SH3PXD2A: variants seen among roughly 807,000 people sequenced by gnomAD.
SH3PXD2A encodes SH3 and PX domain-containing protein 2A.
SH3PXD2A carries 32 observed loss-of-function variants against 115.2 expected under a neutral mutation model. That is an observed-to-expected ratio of 0.28 (90% confidence interval 0.21 to 0.37). The LOEUF (loss-of-function observed/expected upper bound fraction) is 0.37, where lower values mean the gene tolerates loss of function less well. SH3PXD2A is among the 10% of genes least tolerant of loss of function. The pLI is 1.00. For synonymous variants in SH3PXD2A, 610 were observed against 629.1 expected, an observed-to-expected ratio of 0.97 and a Z score of 0.45; for missense variants, 1,328 against 1,498.7, an observed-to-expected ratio of 0.89 and a Z score of 1.88.
chr10:103,837,077 G>A (rs1456060654), intron 1 of SH3PXD2A, among the ~76,000 whole-genome samples: 2 of 152,164 alleles, frequency 1.3e-5, no homozygotes, highest in Non-Finnish European at 2.9e-5. Context: ...TCCAAGGCCC[G>A]CCTATCGTGT....
At chr10:103,735,625 G>A (rs2038370555) in intron 4 of SH3PXD2A, 107 bp downstream of exon 4, 2 of 909,264 alleles carry the variant, frequency 2.2e-6, no homozygotes, top group Admixed American at 1.8e-5. Flanking sequence ...CCTCAGGACG[G>A]TTCTGTACAG....
intron 2 of SH3PXD2A, among the ~76,000 whole-genome samples, chr10:103,785,852 T>C (rs1216829412): frequency 2.0e-5 from 3 of 151,022 alleles, no homozygotes; most frequent in African/African-American, 7.3e-5. Flanking sequence ...GGATGAGACA[T>C]GCAGACGAGA....
chr10:103,646,900 G>C (rs1472714696), intron 8 of SH3PXD2A, among the ~76,000 whole-genome samples: 2 of 152,172 alleles, frequency 1.3e-5, no homozygotes, highest in Non-Finnish European at 1.5e-5. Flanking sequence ...CCAAGTACCT[G>C]AGGGCAGAGA....
chr10:103,651,421 C>A (rs561262628), intron 8 of SH3PXD2A, among the ~76,000 whole-genome samples: 1 of 152,360 alleles, frequency 6.6e-6, no homozygotes, highest in Non-Finnish European at 1.5e-5. Flanking sequence ...GGGGCTTTAG[C>A]ACAACTGACC....
Position 103,599,825 on chromosome 10 carries a change from ATAAC to A in SH3PXD2A, c.*1987_*1990del, listed in dbSNP as rs2036190173. 1 of 152,696 alleles carries A rather than the reference ATAAC, an allele frequency of 6.5e-6. No homozygotes were observed. Among genetic ancestry groups the A allele is most frequent in the Non-Finnish European group, 1.5e-5 (1 of 68,054 alleles). The allele number at this position is 152,696 out of a possible 1,614,324, so 9.5% of individuals were successfully genotyped here. On this transcript the variant is annotated 3_prime_UTR_variant, in exon 15 of 15. Transcript: ENST00000369774. ...ATTTAATACTGTCCAGCAGAAGAAA[ATAAC>A]TAATTTCAATTTTAAACAAACTCAC...
intron 5 of SH3PXD2A, among the ~76,000 whole-genome samples, chr10:103,702,964 G>A (rs1274424173): frequency 1.3e-5 from 2 of 152,194 alleles, no homozygotes; most frequent in African/African-American, 4.8e-5. Flanking sequence ...GTGACACACG[G>A]GCAGATACCA....
Position 103,627,380 on chromosome 10 carries a change from A to G in SH3PXD2A, c.605-178T>C, listed in dbSNP as rs2036714187. ...GCCTCGAGGAGCCTGCGTCTGTTCT[A>G]AGGCAGAAACGACCAGCACACTTCC... On this transcript the variant is annotated intron_variant, in intron 8 of 14. Transcript: ENST00000369774. This position sits in a 1 kb window ranked among gnomAD's most constrained non-coding sequence, Gnocchi z 4.4. 6.6e-6 allele frequency among the ~76,000 whole-genome samples: 1 copy of G among 152,232 alleles called. No individual in the cohort carries two copies.
At chr10:103,713,406 C>T (rs924027275) in intron 5 of SH3PXD2A, among the ~76,000 whole-genome samples, 1 of 152,202 alleles carries the variant, frequency 6.6e-6, no homozygotes, top group African/African-American at 2.4e-5. Flanking sequence ...AGGTTCTGCC[C>T]ATTTACCTGA....
Position 103,767,822 on chromosome 10 carries a change from T to TG in SH3PXD2A, c.154-654_154-653insC, listed in dbSNP as rs36045787. On this transcript the variant is annotated intron_variant, in intron 2 of 14. Transcript: ENST00000369774. ...GAACAACTGTTTTGTTTTTTTTTTT[T>TG]TTTTTTTTTTTTGCTATTCTGGACT... Among the ~76,000 whole-genome samples the TG allele has an allele frequency of 6.2e-3, 928 of 149,004 alleles. 8 individuals carry two copies. Among genetic ancestry groups the TG allele is most frequent in the South Asian group, 0.015 (67 of 4,594 alleles).
chr10:103,663,286 C>A (rs2037338903), intron 7 of SH3PXD2A, among the ~76,000 whole-genome samples: 1 of 152,226 alleles, frequency 6.6e-6, no homozygotes, highest in Non-Finnish European at 1.5e-5. Flanking sequence ...CATTAACCGC[C>A]CCATTTCATG....
At chr10:103,680,045 T>C (rs2037588631) in intron 6 of SH3PXD2A, among the ~76,000 whole-genome samples, 1 of 152,030 alleles carries the variant, frequency 6.6e-6, no homozygotes, top group Admixed American at 6.6e-5. Context: ...AATGGCGCCA[T>C]CTCTGCTCAC....
intron 5 of SH3PXD2A, among the ~76,000 whole-genome samples, chr10:103,722,967 T>G (rs2038200223): frequency 6.6e-6 from 1 of 152,222 alleles, no homozygotes; most frequent in Non-Finnish European, 1.5e-5. Context: ...TTTCAGGCTA[T>G]TAGTCTTTTA....
At chr10:103,611,483 G>T in intron 13 of SH3PXD2A, 98 bp downstream of exon 13, 1 of 1,150,676 alleles carries the variant, frequency 8.7e-7, no homozygotes, top group Non-Finnish European at 1.3e-6. Context: ...AAAACCCCTG[G>T]ATCAAGAGGC....
chr10:103,758,125 C>T (rs1403987304), intron 3 of SH3PXD2A, among the ~76,000 whole-genome samples: 1 of 152,238 alleles, frequency 6.6e-6, no homozygotes, highest in Non-Finnish European at 1.5e-5. Flanking sequence ...GGCCAGATGG[C>T]ACAGCTCACA....
At chr10:103,623,423 G>A (rs567063027) in intron 9 of SH3PXD2A, among the ~76,000 whole-genome samples, 1 of 152,278 alleles carries the variant, frequency 6.6e-6, no homozygotes, top group African/African-American at 2.4e-5. Flanking sequence ...ACTCCCAGAT[G>A]GAATGGATAC....
rs763061712 is a variant in SH3PXD2A, at chr10:103,602,506, G to T, written c.2712C>A (p.Pro904=). The part of the protein sequence containing the change: ...LVLDENEQPD[P]SGKELDTVPA... ...GCACTGTGTCCAGCTCTTTGCCAGA[G>T]GGGTCAGGTTGCTCGTTCTCATCCA... Residue 904 remains proline, a synonymous_variant, in exon 15 of 15, where the codon CCC becomes CCA. Transcript: ENST00000369774. The T allele has an allele frequency of 6.2e-7, 1 of 1,614,172 alleles. No homozygotes were observed. The highest frequency in any genetic ancestry group is 1.1e-5 in the South Asian group (1 of 91,086).
In SH3PXD2A at chr10:103,627,896, CG is replaced by C. The variant is rs1416104680; in HGVS notation, c.605-695del. On this transcript the variant is annotated intron_variant, in intron 8 of 14. Transcript: ENST00000369774. This position sits in a 1 kb window ranked among gnomAD's most constrained non-coding sequence, Gnocchi z 4.4. The stretch of plus-strand genomic sequence containing the variant: ...CCCTTCCGAGAAGGTCCTCTTCACA[CG>C]GTCCTGTCTTCCTCCTCATCCCTTC... 6.6e-6 allele frequency among the ~76,000 whole-genome samples: 1 copy of C among 152,248 alleles called. No homozygotes were observed. The highest frequency in any genetic ancestry group is 1.5e-5 in the Non-Finnish European group (1 of 68,038).
intron 5 of SH3PXD2A, among the ~76,000 whole-genome samples, chr10:103,704,422 T>A (rs1270512154): frequency 6.6e-6 from 1 of 152,154 alleles, no homozygotes; most frequent in Non-Finnish European, 1.5e-5. Flanking sequence ...TGGTGGCTGG[T>A]GGCTGGCAGC....
intron 1 of SH3PXD2A, among the ~76,000 whole-genome samples, chr10:103,847,789 A>T (rs1466513016): frequency 2.0e-5 from 3 of 152,158 alleles, no homozygotes; most frequent in African/African-American, 7.2e-5. Context: ...GAATACAAAA[A>T]TTAGCTGCGT....
Sources: allele counts gnomAD v4.1 joint callset (sites outside exome capture counted in the v4.1 genomes callset), GRCh38; gene constraint gnomAD v4.1.1; non-coding constraint Gnocchi (gnomAD v3.1); transcripts MANE v1.5; gene names NCBI Gene and HGNC (gene_info 2026-07-23, HGNC 2026-07-21).